Variants in CLIP2 observed in about 807,000 individuals in gnomAD.
CLIP2 encodes CAP-Gly domain-containing linker protein 2.
CLIP2 carries 41 observed loss-of-function variants against 111.7 expected under a neutral mutation model. The ratio of observed to expected loss-of-function variants is 0.37; its 90% CI spans 0.29 to 0.48. The LOEUF (loss-of-function observed/expected upper bound fraction) is 0.48. CLIP2 is among the 20% of genes least tolerant of loss of function. The probability of loss-of-function intolerance (pLI) is 0.99; values close to 1 mark genes in which losing one functional copy is unlikely to be tolerated. For missense variants in CLIP2, 1,160 were observed against 1,422.1 expected (o/e 0.82, Z 2.96); for synonymous variants, 660 against 644.2 (o/e 1.02, Z -0.37).
chr7:74,352,534 A>G (rs1312737310), intron 3 of CLIP2, among the ~76,000 whole-genome samples: 1 of 152,098 alleles, frequency 6.6e-6, no homozygotes, highest in Admixed American at 6.6e-5. Flanking sequence ...AGTAACTACA[A>G]TACATCATCC....
In CLIP2 at chr7:74,400,408, C is replaced by A. The variant is rs782319408; in HGVS notation, c.2919C>A (p.Ser973=). 1.9e-6 allele frequency: 3 copies of A among 1,613,246 alleles called. No homozygotes were observed. Among genetic ancestry groups the A allele is most frequent in the South Asian group, 2.2e-5 (2 of 90,970 alleles). ...CCCTGTCGGATCAGAGGCGCTACTC[C>A]CTCATCGACCGGTCCTCGGCGCCCG... ...EKSLSDQRRY[S]LIDRSSAPEL... Residue 973 remains serine (S), a synonymous_variant, in exon 15 of 17, where the codon TCC becomes TCA. Transcript: ENST00000223398.
intron 8 of CLIP2, 59 bp from the exon 9 acceptor site, chr7:74,372,873 G>A: frequency 1.7e-6 from 1 of 602,736 alleles, no homozygotes; most frequent in Non-Finnish European, 2.8e-6. Flanking sequence ...TCTTCCCTGT[G>A]CCCCCCTCCC....
intron 2 of CLIP2, among the ~76,000 whole-genome samples, chr7:74,334,459 C>A (rs561047904): frequency 3.9e-4 from 59 of 152,238 alleles, no homozygotes; most frequent in Middle Eastern, 3.4e-3. Flanking sequence ...GACAGCTGAG[C>A]AGGCAGCTTC....
At chr7:74,394,242 CTTATTT>C (rs1256068816) in intron 13 of CLIP2, among the ~76,000 whole-genome samples, 6 of 119,768 alleles carry the variant, frequency 5.0e-5, no homozygotes, top group South Asian at 2.9e-4. Flanking sequence ...TCTTTTTCTT[CTTATTT>C]TTTTTTTTTT....
At chr7:74,325,958 G>A (rs782585029) in intron 2 of CLIP2, among the ~76,000 whole-genome samples, 1 of 152,010 alleles carries the variant, frequency 6.6e-6, no homozygotes, top group Non-Finnish European at 1.5e-5. Context: ...GAGACCATTG[G>A]CTGGGTATGG....
chr7:74,313,486 G>A (rs1554728775), intron 1 of CLIP2, among the ~76,000 whole-genome samples: 1 of 151,720 alleles, frequency 6.6e-6, no homozygotes, highest in African/African-American at 2.4e-5. Flanking sequence ...CATGAACCCG[G>A]AAGGCAGAGC....
In CLIP2 at chr7:74,376,451, G is replaced by T. The variant is rs1388135364; in HGVS notation, c.2050G>T (p.Ala684Ser). The part of the protein sequence containing the change: ...ETAMHVKEKE[A>S]LREKLQEAQE... ...CGCCATGCACGTGAAGGAGAAGGAG[G>T]CCCTGCGAGAGAAGCTGCAGGAGGC... The change falls in exon 10 of 17, where the codon GCC (alanine) becomes TCC (serine). Residue 684 changes from alanine (A) to serine (S), a missense_variant. Physicochemically the swap from Ala to Ser is moderately conservative, Grantham distance 99 (BLOSUM62 1). Transcript: ENST00000223398. The surrounding 1 kb of genome is among the most constrained non-coding windows in gnomAD (Gnocchi z 7.1). 1.2e-6 allele frequency: 2 copies of T among 1,613,918 alleles called. No homozygotes were observed. The highest frequency in any genetic ancestry group is 1.7e-6 in the Non-Finnish European group (2 of 1,180,000).
chr7:74,317,557 C>G lies in CLIP2; in HGVS notation c.11C>G (p.Pro4Arg). Residue 4 changes from proline to arginine, a missense_variant, in exon 2 of 17, where the codon CCC becomes CGC. Physicochemically the swap from Pro to Arg is moderately radical, Grantham distance 103. Coordinates refer to ENST00000223398, the MANE Select transcript of CLIP2 (RefSeq NM_003388.5). ...CCCAGTGGCACCGCCATGCAGAAGC[C>G]CAGCGGCCTGAAGCCCCCCGGCCGT... MQK[P>R]SGLKPPGRGG... The G allele has an allele frequency of 1.4e-6, 2 of 1,450,130 alleles. No individual in the cohort carries two copies. Among genetic ancestry groups the G allele is most frequent in the Non-Finnish European group, 1.8e-6 (2 of 1,093,364 alleles). The allele number at this position is 1,450,130 out of a possible 1,614,324, so 89.8% of individuals were successfully genotyped here. A position where few individuals can be genotyped will look rare whatever the true frequency, so the allele number is the denominator to read the frequency against.
At chr7:74,336,793 C>T (rs528532755) in intron 2 of CLIP2, among the ~76,000 whole-genome samples, 1 of 150,564 alleles carries the variant, frequency 6.6e-6, no homozygotes, top group Non-Finnish European at 1.5e-5. Context: ...GATGAGCTAT[C>T]GTATGTTAAG....
At chr7:74,354,727 C>T (rs544754532) in intron 4 of CLIP2, among the ~76,000 whole-genome samples, 10 of 151,928 alleles carry the variant, frequency 6.6e-5, no homozygotes, top group South Asian at 6.2e-4. Flanking sequence ...GCTGAGATCA[C>T]GCCATTGCAT....
chr7:74,292,834 G>GGCAT (rs1788065348), intron 1 of CLIP2, among the ~76,000 whole-genome samples: 2 of 152,184 alleles, frequency 1.3e-5, no homozygotes, highest in Admixed American at 6.6e-5. Flanking sequence ...ATGCCTGGGA[G>GGCAT]GCATGCTTCC....
rs138007354 is a variant in CLIP2, at chr7:74,379,111, C to A, written c.2422-1695C>A. 1.2e-4 allele frequency among the ~76,000 whole-genome samples: 19 copies of A among 152,302 alleles called. No homozygotes were observed. The East Asian group carries it at 3.7e-3, about 29-fold the overall frequency. On this transcript the variant is annotated intron_variant, in intron 10 of 16. Coordinates refer to ENST00000223398, the MANE Select transcript of CLIP2 (RefSeq NM_003388.5). ...GACAGAGGCCTGAGGATGCCTCCCC[C>A]AGTCCCTGCCCCTCATTCACAGGTG...
chr7:74,382,471 A>ATT (rs35499422), intron 11 of CLIP2, among the ~76,000 whole-genome samples: 6 of 129,172 alleles, frequency 4.6e-5, no homozygotes, highest in Admixed American at 7.9e-5. Flanking sequence ...TGCCCTGCTA[A>ATT]TTTTTTTTTT....
chr7:74,368,330 AC>A (rs1790514769), intron 8 of CLIP2, among the ~76,000 whole-genome samples: 1 of 152,112 alleles, frequency 6.6e-6, no homozygotes, highest in Non-Finnish European at 1.5e-5. Flanking sequence ...AGCCTGACCA[AC>A]ATAGTGAAAC....
intron 15 of CLIP2, 126 bp from the exon 16 acceptor site, chr7:74,401,379 C>T: frequency 1.2e-6 from 1 of 833,084 alleles, no homozygotes; most frequent in Non-Finnish European, 2.0e-6. Context: ...GTGCTGGGAG[C>T]CCCAGGCTGA....
intron 13 of CLIP2, among the ~76,000 whole-genome samples, chr7:74,391,065 T>C (rs551120181): frequency 1.6e-4 from 24 of 152,134 alleles, no homozygotes; most frequent in Admixed American, 1.2e-3. Context: ...AAAGTAACTA[T>C]TTTCCAAAAC....
At chr7:74,339,788 C>T (rs1215437432) in intron 3 of CLIP2, among the ~76,000 whole-genome samples, 18 of 152,080 alleles carry the variant, frequency 1.2e-4, no homozygotes, top group Non-Finnish European at 1.3e-4. Context: ...AACTGGAGTT[C>T]TCAAGACCCC....
At chr7:74,306,028 A>G (rs1411021660) in intron 1 of CLIP2, among the ~76,000 whole-genome samples, 1 of 149,846 alleles carries the variant, frequency 6.7e-6, no homozygotes, top group Non-Finnish European at 1.5e-5. Context: ...TGTCTCTCAT[A>G]CTCTCTAGAT....
At chr7:74,349,691 C>A (rs1007747320) in intron 3 of CLIP2, among the ~76,000 whole-genome samples, 3 of 151,088 alleles carry the variant, frequency 2.0e-5, no homozygotes, top group Admixed American at 6.6e-5. Context: ...GGCACAATCT[C>A]GGCTCACTGC....
Sources: gnomAD v4.1 joint callset for allele counts (sites outside exome capture counted in the v4.1 genomes callset) on GRCh38, gnomAD v4.1.1 for gene constraint, Gnocchi (gnomAD v3.1) non-coding constraint, MANE v1.5 for transcripts, NCBI Gene and HGNC (gene_info 2026-07-23, HGNC 2026-07-21) for gene names.